REEP1: variants seen among roughly 807,000 people sequenced by gnomAD.
The protein encoded by REEP1 is receptor accessory protein 1.
A neutral mutation model predicts 40.3 loss-of-function variants in REEP1; 22 were observed. That is an observed-to-expected ratio of 0.55 (90% CI 0.39 to 0.78). The LOEUF is 0.78. Among genes scored for constraint, REEP1 ranks in the 30% least tolerant of loss-of-function variants. The pLI is 0.00. For missense variants in REEP1, 280 were observed against 361.1 expected, an observed-to-expected ratio of 0.78 and a Z score of 1.82; for synonymous variants, 116 against 139.2, an observed-to-expected ratio of 0.83 and a Z score of 1.17.
At chr2:86,319,901 A>G (rs1314663443) in intron 1 of REEP1, among the ~76,000 whole-genome samples, 1 of 152,202 alleles carries the variant, frequency 6.6e-6, no homozygotes, top group East Asian at 1.9e-4. Context: ...AAGCCAAAGA[A>G]GGGCGAGGCT....
At chr2:86,233,380 C>A (rs533339796) in intron 5 of REEP1, among the ~76,000 whole-genome samples, 1 of 152,058 alleles carries the variant, frequency 6.6e-6, no homozygotes, top group Non-Finnish European at 1.5e-5. Flanking sequence ...TCTGCTGGTG[C>A]ATTTCAGCTT....
intron 5 of REEP1, among the ~76,000 whole-genome samples, chr2:86,238,100 GAA>G (rs1277233465): frequency 6.6e-6 from 1 of 152,180 alleles, no homozygotes; most frequent in Non-Finnish European, 1.5e-5. Context: ...AGAATCGCTT[GAA>G]CCCGGGAGGC....
At chr2:86,223,823 G>A (rs945562043) in intron 7 of REEP1, 2 of 152,012 alleles carry the variant, frequency 1.3e-5, no homozygotes, top group Admixed American at 6.6e-5. Context: ...ATTTTAAAAG[G>A]GGGGGAGGGA....
At chr2:86,317,889 C>G (rs1414959673) in intron 1 of REEP1, among the ~76,000 whole-genome samples, 1 of 152,106 alleles carries the variant, frequency 6.6e-6, no homozygotes, top group Admixed American at 6.6e-5. Context: ...CATGGAACAC[C>G]AGTTACTTGA....
chr2:86,337,470 G>A lies in REEP1; in HGVS notation c.32+9C>T. ...GGGACGGAGGGGCGCGGGGGAGAAG[G>A]CCACTTACACCACCAGCCTGGAGAT... On this transcript the variant is annotated intron_variant, in intron 1 of 8. Transcript: ENST00000538924. The surrounding 1 kb of genome is among the most constrained non-coding windows in gnomAD (Gnocchi z 5.8). The A allele has an allele frequency of 2.3e-6, 3 of 1,283,580 alleles. No individual in the cohort carries two copies. The highest frequency in any genetic ancestry group is 3.3e-5 in the East Asian group (1 of 29,970). The allele number at this position is 1,283,580 out of a possible 1,614,324, so 79.5% of individuals were successfully genotyped here. A position where few individuals can be genotyped will look rare whatever the true frequency, so the allele number is the denominator to read the frequency against.
At chr2:86,303,201 C>T (rs978400260) in intron 1 of REEP1, among the ~76,000 whole-genome samples, 1 of 146,840 alleles carries the variant, frequency 6.8e-6, no homozygotes, top group African/African-American at 2.5e-5. Context: ...CACCACGATG[C>T]CCGGCTAATT....
intron 5 of REEP1, among the ~76,000 whole-genome samples, chr2:86,238,286 A>C (rs1330612125): frequency 6.6e-6 from 1 of 152,226 alleles, no homozygotes; most frequent in Non-Finnish European, 1.5e-5. Flanking sequence ...TAAGATAATG[A>C]TGTGTCTCAG....
At chr2:86,249,195 G>A (rs370876583) in intron 5 of REEP1, among the ~76,000 whole-genome samples, 1 of 152,084 alleles carries the variant, frequency 6.6e-6, no homozygotes, top group Non-Finnish European at 1.5e-5. Context: ...GGGAGGCAGA[G>A]GTTGCAGTGA....
At chr2:86,253,257 G>C (rs1443358976) in intron 4 of REEP1, among the ~76,000 whole-genome samples, 1 of 152,160 alleles carries the variant, frequency 6.6e-6, no homozygotes, top group Non-Finnish European at 1.5e-5. Flanking sequence ...CTCCAGCCTG[G>C]GCAACAGAGC....
At chr2:86,272,057 T>C (rs1164463821) in intron 2 of REEP1, among the ~76,000 whole-genome samples, 1 of 152,178 alleles carries the variant, frequency 6.6e-6, no homozygotes, top group Non-Finnish European at 1.5e-5. Flanking sequence ...ACCCCGTCTC[T>C]GCTAAAAATA....
At chr2:86,311,886 C>T (rs1679782448) in intron 1 of REEP1, among the ~76,000 whole-genome samples, 1 of 152,174 alleles carries the variant, frequency 6.6e-6, no homozygotes, top group Non-Finnish European at 1.5e-5. Flanking sequence ...ACTTGATGCA[C>T]AGCTATCACA....
At chr2:86,233,455 T>A (rs961306199) in intron 5 of REEP1, among the ~76,000 whole-genome samples, 2 of 152,176 alleles carry the variant, frequency 1.3e-5, no homozygotes, top group Non-Finnish European at 2.9e-5. Flanking sequence ...CCCTGCTGAT[T>A]GTAACCATTT....
intron 1 of REEP1, among the ~76,000 whole-genome samples, chr2:86,286,265 TC>T (rs1228879540): frequency 6.6e-6 from 1 of 152,156 alleles, no homozygotes; most frequent in Non-Finnish European, 1.5e-5. Flanking sequence ...ACTGGGGTGA[TC>T]TCGTTTCCCA....
chr2:86,218,631 G>A (rs554937738), intron 8 of REEP1, among the ~76,000 whole-genome samples: 2 of 152,234 alleles, frequency 1.3e-5, no homozygotes, highest in Non-Finnish European at 2.9e-5. Context: ...ACAAACCCTT[G>A]GGCCTTAGAA....
At chr2:86,264,730 A>G (rs549744834) in intron 2 of REEP1, among the ~76,000 whole-genome samples, 2 of 152,336 alleles carry the variant, frequency 1.3e-5, no homozygotes, top group African/African-American at 4.8e-5. Flanking sequence ...CTTATATTGA[A>G]CTAAGGCTCC....
chr2:86,247,450 G>C (rs1676034735), intron 5 of REEP1, among the ~76,000 whole-genome samples: 1 of 152,144 alleles, frequency 6.6e-6, no homozygotes, highest in South Asian at 2.1e-4. Context: ...TATAATCCCA[G>C]CTACTTGGAA....
At chr2:86,230,395 T>C (rs1317056669) in intron 6 of REEP1, among the ~76,000 whole-genome samples, 3 of 152,202 alleles carry the variant, frequency 2.0e-5, no homozygotes, top group African/African-American at 7.2e-5. Context: ...GCACAACCTC[T>C]CTGAGCCTGC....
chr2:86,264,012 A>G lies in REEP1; in HGVS notation c.135T>C (p.Phe45=), dbSNP rs1389796689. The G allele has an allele frequency of 1.9e-6, 3 of 1,613,740 alleles. No homozygotes were observed. Among genetic ancestry groups the G allele is most frequent in the Non-Finnish European group, 2.5e-6 (3 of 1,179,620 alleles). ...ATGTCTCTGCTGTGGTGAAAAGTGC[A>G]AATATAATCCAGTACATCATCCATT... ...YVKWMMYWII[F]ALFTTAETFT... is the part of the protein sequence containing the mutation. Residue 45 remains phenylalanine (F), a synonymous_variant, in exon 3 of 9, where the codon TTT becomes TTC. Coordinates refer to ENST00000538924, the MANE Select transcript of REEP1 (RefSeq NM_001371279.1).
At chr2:86,230,172 A>C (rs1674931374) in intron 6 of REEP1, among the ~76,000 whole-genome samples, 1 of 152,226 alleles carries the variant, frequency 6.6e-6, no homozygotes, top group Non-Finnish European at 1.5e-5. Flanking sequence ...CTGCTCATGG[A>C]GAGTGGCAGA....
Sources: allele counts gnomAD v4.1 joint callset (sites outside exome capture counted in the v4.1 genomes callset), GRCh38; gene constraint gnomAD v4.1.1; non-coding constraint Gnocchi (gnomAD v3.1); transcripts MANE v1.5; gene names NCBI Gene and HGNC (gene_info 2026-07-23, HGNC 2026-07-21).